The following MACROD2 variants were observed in gnomAD, a reference collection of about 807,000 sequenced individuals.
MACROD2 encodes the protein mono-ADP ribosylhydrolase 2.
In MACROD2, 36 loss-of-function variants were observed where a neutral mutation model predicts 70.4. That is an observed-to-expected ratio of 0.51 (90% CI 0.39 to 0.68). The LOEUF (loss-of-function observed/expected upper bound fraction) is 0.68, where lower values mean the gene tolerates loss of function less well. Among genes scored for constraint, MACROD2 ranks in the 30% least tolerant of loss-of-function variants. The probability of loss-of-function intolerance (pLI) is 0.00; values close to 1 mark genes in which losing one functional copy is unlikely to be tolerated. For missense variants in MACROD2, 496 were observed against 538.4 expected (o/e 0.92, Z 0.78); for synonymous variants, 172 against 178.8 (o/e 0.96, Z 0.30).
At position 14,375,495 on chromosome 20, in the gene MACROD2, C is replaced by A. The variant is rs1023822434; in HGVS notation, c.272-117984C>A. ...TGGAGCATTTGCTCTTGATCACATA[C>A]TATAAAGGTAGACAAAGGGGAGAAC... On this transcript the variant is annotated intron_variant, in intron 3 of 17. Transcript: ENST00000684519. Among the ~76,000 whole-genome samples, 5 of 152,088 alleles carry A rather than the reference C, an allele frequency of 3.3e-5. No individual in the cohort carries two copies. The East Asian group carries it at 9.6e-4, about 29-fold the overall frequency.
At chr20:14,818,523 A>G (rs1315383055) in intron 5 of MACROD2, among the ~76,000 whole-genome samples, 3 of 152,058 alleles carry the variant, frequency 2.0e-5, no homozygotes, top group Admixed American at 1.3e-4. Flanking sequence ...TGGCTGAAAC[A>G]TTCAGATGAT....
intron 5 of MACROD2, among the ~76,000 whole-genome samples, chr20:15,000,629 CAAAAAAAAAAAAAA>C (rs398040701): frequency 2.4e-3 from 52 of 21,986 alleles, no homozygotes; most frequent in East Asian, 3.1e-3. Flanking sequence ...GACTCCGTCT[CAAAAAAAAAAAAAA>C]AAAAAAAAAA....
chr20:15,141,514 C>T (rs1415687179), intron 5 of MACROD2, among the ~76,000 whole-genome samples: 1 of 152,180 alleles, frequency 6.6e-6, no homozygotes, highest in African/African-American at 2.4e-5. Flanking sequence ...CTCTCCTGCC[C>T]TTAAATTGGG....
intron 8 of MACROD2, among the ~76,000 whole-genome samples, chr20:15,728,706 CTG>C (rs2050900452): frequency 6.6e-6 from 1 of 152,234 alleles, no homozygotes; most frequent in Admixed American, 6.5e-5. Flanking sequence ...GTAGTCATCT[CTG>C]AGAGTTTTTT....
intron 5 of MACROD2, among the ~76,000 whole-genome samples, chr20:15,062,676 G>T (rs1233356141): frequency 6.6e-6 from 1 of 152,162 alleles, no homozygotes; most frequent in African/African-American, 2.4e-5. Flanking sequence ...TTTACTGAGT[G>T]AATACTATAG....
intron 8 of MACROD2, among the ~76,000 whole-genome samples, chr20:15,744,618 A>C (rs1476335951): frequency 2.0e-5 from 3 of 151,972 alleles, no homozygotes; most frequent in African/African-American, 7.2e-5. Context: ...CTTGTAGCTG[A>C]AGAAAACTGA....
chr20:14,116,517 C>G (rs2054515446), intron 3 of MACROD2, among the ~76,000 whole-genome samples: 1 of 152,100 alleles, frequency 6.6e-6, no homozygotes, highest in African/African-American at 2.4e-5. Context: ...GCTGCCCTAA[C>G]TGGTGGATTT....
At chr20:15,234,012 C>CTTTTTTTTTTTTTTTT (rs1177498607) in intron 6 of MACROD2, among the ~76,000 whole-genome samples, 4 of 29,180 alleles carry the variant, frequency 1.4e-4, no homozygotes, top group Middle Eastern at 0.031. Context: ...TATATATATT[C>CTTTTTTTTTTTTTTTT]TTTTTTTTTT....
chr20:14,896,658 A>T (rs1364316238), intron 5 of MACROD2, among the ~76,000 whole-genome samples: 1 of 152,104 alleles, frequency 6.6e-6, no homozygotes, highest in East Asian at 1.9e-4. Context: ...ATAAAAAAAA[A>T]AAAATGACAT....
chr20:15,624,428 C>T (rs996774638), intron 8 of MACROD2, among the ~76,000 whole-genome samples: 4 of 152,164 alleles, frequency 2.6e-5, no homozygotes, highest in African/African-American at 9.7e-5. Flanking sequence ...TAATATTAAC[C>T]ATCACAGGAG....
intron 6 of MACROD2, among the ~76,000 whole-genome samples, chr20:15,301,670 A>G (rs1191298208): frequency 3.5e-5 from 5 of 142,086 alleles, no homozygotes. Context: ...GGCCTCAAGC[A>G]ATCCTCCTGC....
intron 5 of MACROD2, among the ~76,000 whole-genome samples, chr20:14,695,132 A>G (rs2123619977): frequency 6.6e-6 from 1 of 152,188 alleles, no homozygotes; most frequent in Admixed American, 6.5e-5. Flanking sequence ...AAAAAGCAGA[A>G]ATTTATTCTC....
chr20:14,562,084 T>C (rs1979471121), intron 4 of MACROD2, among the ~76,000 whole-genome samples: 1 of 151,944 alleles, frequency 6.6e-6, no homozygotes, highest in Non-Finnish European at 1.5e-5. Context: ...AAATAGAACC[T>C]ATCCCTCTGG....
intron 2 of MACROD2, among the ~76,000 whole-genome samples, chr20:14,043,626 A>G (rs2053425587): frequency 6.6e-6 from 1 of 152,236 alleles, no homozygotes; most frequent in African/African-American, 2.4e-5. Context: ...GCCGGTTCAG[A>G]TTCTTAGCCT....
intron 3 of MACROD2, among the ~76,000 whole-genome samples, chr20:14,124,898 C>G (rs1174428975): frequency 2.0e-5 from 3 of 152,128 alleles, no homozygotes. Context: ...GTGGAAACAA[C>G]TCAAATGTTC....
At chr20:14,149,361 A>G (rs776267639) in intron 3 of MACROD2, among the ~76,000 whole-genome samples, 4 of 152,172 alleles carry the variant, frequency 2.6e-5, no homozygotes, top group African/African-American at 7.2e-5. Flanking sequence ...ACAGTATTCC[A>G]TGGTATATAT....
chr20:15,431,309 G>A, intron 6 of MACROD2, 96 bp from the exon 7 acceptor site: 3 of 1,085,972 alleles, frequency 2.8e-6, no homozygotes, highest in Non-Finnish European at 4.2e-6. Context: ...TAAGTAGAGG[G>A]CATCCCATTA....
chr20:14,784,336 C>T (rs944395326), intron 5 of MACROD2, among the ~76,000 whole-genome samples: 1 of 152,082 alleles, frequency 6.6e-6, no homozygotes, highest in Non-Finnish European at 1.5e-5. Flanking sequence ...GGTCCCTTTG[C>T]TAAAATGTGT....
intron 3 of MACROD2, among the ~76,000 whole-genome samples, chr20:14,432,329 T>A (rs2084003681): frequency 6.6e-6 from 1 of 152,116 alleles, no homozygotes; most frequent in African/African-American, 2.4e-5. Flanking sequence ...CAGGATATAT[T>A]ACTACCTGGT....
Sources: allele counts gnomAD v4.1 joint callset (sites outside exome capture counted in the v4.1 genomes callset), GRCh38; gene constraint gnomAD v4.1.1; transcripts MANE v1.5; gene names NCBI Gene and HGNC (gene_info 2026-07-23, HGNC 2026-07-21).